Variants in IL4 observed in about 807,000 individuals in gnomAD.
IL4 encodes the protein interleukin 4, also known as interleukin-4.
In IL4, 10 loss-of-function variants were observed where a neutral mutation model predicts 17.4. That is an observed-to-expected ratio of 0.57 (90% confidence interval 0.35 to 0.97). The LOEUF (loss-of-function observed/expected upper bound fraction) is 0.97, where lower values mean the gene tolerates loss of function less well. IL4 is among the 50% of genes least tolerant of loss of function. The probability of loss-of-function intolerance (pLI) is 0.01; values close to 1 mark genes in which losing one functional copy is unlikely to be tolerated. For missense variants in IL4, 174 were observed against 187.7 expected (o/e 0.93, Z 0.43); for synonymous variants, 87 against 79.0 (o/e 1.10, Z -0.54).
At chr5:132,676,917 C>T (rs561253938) in intron 2 of IL4, among the ~76,000 whole-genome samples, 2 of 152,158 alleles carry the variant, frequency 1.3e-5, no homozygotes, top group South Asian at 4.1e-4. Flanking sequence ...CTGGGCTTCA[C>T]AGGTAACACC....
At chr5:132,676,926 C>T (rs1752392328) in intron 2 of IL4, among the ~76,000 whole-genome samples, 1 of 152,132 alleles carries the variant, frequency 6.6e-6, no homozygotes, top group Admixed American at 6.5e-5. Flanking sequence ...ACAGGTAACA[C>T]CTGTCAGGGT....
intron 3 of IL4, among the ~76,000 whole-genome samples, chr5:132,681,735 C>G (rs1443697536): frequency 6.6e-6 from 1 of 152,062 alleles, no homozygotes; most frequent in Admixed American, 6.5e-5. Context: ...TATCTAATAT[C>G]GAGTGGAGGA....
At chr5:132,676,859 A>T (rs1752391351) in intron 2 of IL4, among the ~76,000 whole-genome samples, 1 of 152,202 alleles carries the variant, frequency 6.6e-6, no homozygotes, top group South Asian at 2.1e-4. Flanking sequence ...TAAGTTGGGT[A>T]GCATTCTACT....
intron 1 of IL4, 84 bp from the exon 2 acceptor site, chr5:132,674,375 G>T: frequency 7.0e-7 from 1 of 1,422,722 alleles, no homozygotes; most frequent in South Asian, 1.2e-5. Context: ...CAGTTGGAGG[G>T]AGTGAGAGCT....
At chr5:132,678,632 TATTTCTAAGA>T (rs1752428061) in intron 2 of IL4, among the ~76,000 whole-genome samples, 1 of 152,202 alleles carries the variant, frequency 6.6e-6, no homozygotes, top group Non-Finnish European at 1.5e-5. Context: ...TGAGATTCTG[TATTTCTAAGA>T]AGCTCCCAGT....
intron 2 of IL4, 105 bp downstream of exon 2, chr5:132,674,611 C>T (rs1030703097): frequency 4.5e-5 from 39 of 872,316 alleles, no homozygotes; most frequent in Non-Finnish European, 6.7e-5. Context: ...CAAATTAACT[C>T]TAAGGTGTTA....
intron 2 of IL4, among the ~76,000 whole-genome samples, chr5:132,676,138 T>A (rs1430973455): frequency 6.6e-6 from 1 of 151,934 alleles, no homozygotes; most frequent in African/African-American, 2.4e-5. Context: ...GGCCTGGAGG[T>A]AAGACTGCCT....
At chr5:132,679,953 T>C (rs1752455528) in intron 3 of IL4, 63 bp downstream of exon 3, 1 of 1,385,106 alleles carries the variant, frequency 7.2e-7, no homozygotes, top group East Asian at 2.3e-5. Flanking sequence ...CAGCCTCACT[T>C]CTAAACACTC....
intron 3 of IL4, 87 bp downstream of exon 3, chr5:132,679,977 GC>G: frequency 8.8e-7 from 1 of 1,131,126 alleles, no homozygotes; most frequent in South Asian, 1.6e-5. Context: ...AGGAGCTGCA[GC>G]ACCCTTGGTC....
intron 1 of IL4, 34 bp downstream of exon 1, chr5:132,674,219 T>A (rs750565009): frequency 6.2e-7 from 1 of 1,604,836 alleles, no homozygotes; most frequent in South Asian, 1.1e-5. Flanking sequence ...TCTCCAGATG[T>A]TCTGGTGATG....
At chr5:132,678,923 G>A (rs990006427) in intron 2 of IL4, among the ~76,000 whole-genome samples, 4 of 152,178 alleles carry the variant, frequency 2.6e-5, no homozygotes, top group Non-Finnish European at 4.4e-5. Context: ...GGGCCCCCAG[G>A]AAGAGCCATG....
At chr5:132,679,675 G>T in intron 2 of IL4, 39 bp from the exon 3 acceptor site, 1 of 1,556,678 alleles carries the variant, frequency 6.4e-7, no homozygotes, top group South Asian at 1.2e-5. Flanking sequence ...CCTCCAAATG[G>T]AGCTGGCACA....
chr5:132,680,562 A>C lies in IL4; in HGVS notation c.360+672A>C, dbSNP rs1380300897. 6.6e-6 allele frequency among the ~76,000 whole-genome samples: 1 copy of C among 152,240 alleles called. No homozygotes were observed. Among genetic ancestry groups the C allele is most frequent in the Non-Finnish European group, 1.5e-5 (1 of 68,050 alleles). ...TCAGTCTGGCTACTGTGTGGTAAAT[A>C]GGCTGAAAGGGGGAAAGCATAGAAG... On this transcript the variant is annotated intron_variant, in intron 3 of 3. Transcript: ENST00000231449. This position sits in a 1 kb window ranked among gnomAD's most constrained non-coding sequence, Gnocchi z 4.3.
At chr5:132,676,390 G>A (rs1039341962) in intron 2 of IL4, among the ~76,000 whole-genome samples, 2 of 152,208 alleles carry the variant, frequency 1.3e-5, no homozygotes, top group African/African-American at 4.8e-5. Context: ...AGGGGACCGG[G>A]TTGGAAAGGA....
intron 2 of IL4, among the ~76,000 whole-genome samples, chr5:132,676,591 G>A (rs557851026): frequency 7.9e-5 from 12 of 152,172 alleles, no homozygotes; most frequent in East Asian, 1.9e-4. Flanking sequence ...ACTCTTACCC[G>A]TCTCATTTGC....
intron 3 of IL4, 132 bp from the exon 4 acceptor site, chr5:132,682,354 C>T: frequency 1.7e-6 from 1 of 593,608 alleles, no homozygotes; most frequent in African/African-American, 1.9e-5. Flanking sequence ...AGACAACTCC[C>T]AGTCAGGCTA....
In IL4 at chr5:132,680,387, G is replaced by T. The variant is rs137869658; in HGVS notation, c.360+497G>T. Among the ~76,000 whole-genome samples the T allele has an allele frequency of 6.6e-6, 1 of 152,340 alleles. No homozygotes were observed. Among genetic ancestry groups the T allele is most frequent in the African/African-American group, 2.4e-5 (1 of 41,576 alleles). On this transcript the variant is annotated intron_variant, in intron 3 of 3. Transcript: ENST00000231449. The surrounding 1 kb of genome is among the most constrained non-coding windows in gnomAD (Gnocchi z 4.3). ...TATTTAAAGACCAGTAGGAAGGCCA[G>T]TGTGGCTGGATCAGAGTGAGTGAGG...
rs1367220125 is a variant in IL4 at position 132,674,446 on chromosome 5, T to C, written c.136-13T>C. On this transcript the variant is annotated splice_polypyrimidine_tract_variant and intron_variant, in intron 1 of 3. Transcript: ENST00000231449. Reference sequence around the variant, plus strand: ...ACTCTGTCTCTTGCTCTCTCATTTCTGCCTGGACCAAGACTCTGTGCACCG... The same window carrying C: ...ACTCTGTCTCTTGCTCTCTCATTTCCGCCTGGACCAAGACTCTGTGCACCG... 2 of 1,613,914 alleles carry C rather than the reference T, an allele frequency of 1.2e-6. No homozygotes were observed. Among genetic ancestry groups the C allele is most frequent in the Admixed American group, 3.3e-5 (2 of 60,026 alleles).
intron 2 of IL4, chr5:132,677,951 G>A (rs1355096502): frequency 6.6e-6 from 1 of 152,298 alleles, no homozygotes; most frequent in South Asian, 2.1e-4. Context: ...AATCAGGAAC[G>A]AGGAGTGACT....
Sources: gnomAD v4.1 joint callset for allele counts (sites outside exome capture counted in the v4.1 genomes callset) on GRCh38, gnomAD v4.1.1 for gene constraint, Gnocchi (gnomAD v3.1) non-coding constraint, MANE v1.5 for transcripts, NCBI Gene and HGNC (gene_info 2026-07-23, HGNC 2026-07-21) for gene names.